CCNT2: variants seen among roughly 807,000 people sequenced by gnomAD.
CCNT2 encodes the protein cyclin-T2.
CCNT2 carries 18 observed loss-of-function variants against 70.0 expected under a neutral mutation model. That is an observed-to-expected ratio of 0.26 (90% confidence interval 0.18 to 0.38). The LOEUF (loss-of-function observed/expected upper bound fraction) is 0.38. CCNT2 is among the 10% of genes least tolerant of loss of function. The pLI is 1.00. For synonymous variants in CCNT2, 334 were observed against 313.3 expected (o/e 1.07, Z -0.70); for missense variants, 734 against 890.2 (o/e 0.82, Z 2.23).
chr2:134,939,580 C>T (rs1181449469), intron 4 of CCNT2, among the ~76,000 whole-genome samples: 2 of 152,240 alleles, frequency 1.3e-5, no homozygotes, highest in African/African-American at 4.8e-5. Context: ...ATTCTCCTGC[C>T]TCAGCCTCCC....
At chr2:134,944,582 T>A (rs1681811664) in intron 5 of CCNT2, 1 of 975,716 alleles carries the variant, frequency 1.0e-6, no homozygotes, top group Non-Finnish European at 1.2e-6. Context: ...TGATATGTCA[T>A]CCAAAACAAA....
chr2:134,927,921 A>G (rs767549225), intron 2 of CCNT2, among the ~76,000 whole-genome samples: 1 of 152,242 alleles, frequency 6.6e-6, no homozygotes. Flanking sequence ...ATGGCTATAC[A>G]TAAGGAAATA....
At chr2:134,921,107 T>C (rs1013247825) in intron 2 of CCNT2, among the ~76,000 whole-genome samples, 15 of 152,196 alleles carry the variant, frequency 9.9e-5, no homozygotes, top group African/African-American at 3.6e-4. Flanking sequence ...AGGAAGCCAT[T>C]GGTGATAACA....
At position 134,953,730 on chromosome 2, in the gene CCNT2, T is replaced by C. The variant is rs1003704770; in HGVS notation, c.1275T>C (p.Thr425=). 4.3e-6 allele frequency: 7 copies of C among 1,613,946 alleles called. No individual in the cohort carries two copies. Among genetic ancestry groups the C allele is most frequent in the Non-Finnish European group, 5.1e-6 (6 of 1,179,966 alleles). Residue 425 remains threonine, a synonymous_variant, in exon 9 of 9, where the codon ACT becomes ACC. Coordinates refer to ENST00000264157, the MANE Select transcript of CCNT2 (RefSeq NM_058241.3). Reference sequence around the variant, plus strand: ...GTAAACACCATGGGCCAATTTCCACTACTCCAGGAATAATTCCTCAGAAAA... The same window carrying C: ...GTAAACACCATGGGCCAATTTCCACCACTCCAGGAATAATTCCTCAGAAAA... ...GSSKHHGPIS[T]TPGIIPQKMS...
chr2:134,924,688 T>G (rs934067407), intron 2 of CCNT2, among the ~76,000 whole-genome samples: 1 of 152,106 alleles, frequency 6.6e-6, no homozygotes, highest in Non-Finnish European at 1.5e-5. Context: ...GACCTCGTGA[T>G]TCCCCCCACC....
In CCNT2 at chr2:134,936,520, G is replaced by A. The variant is rs561369383; in HGVS notation, c.241-321G>A. On this transcript the variant is annotated intron_variant, in intron 2 of 8. Coordinates refer to ENST00000264157, the MANE Select transcript of CCNT2 (RefSeq NM_058241.3). ...TGTAATCCCAGCACTTTGGGAGGCC[G>A]AGGCAGATGGATCACCTGAGCTCAA... Among the ~76,000 whole-genome samples, 16 of 152,136 alleles carry A rather than the reference G, an allele frequency of 1.1e-4. No homozygotes were observed. The East Asian group carries it at 1.2e-3, about 11-fold the overall frequency.
intron 2 of CCNT2, among the ~76,000 whole-genome samples, chr2:134,926,825 A>G (rs573738559): frequency 6.6e-6 from 1 of 152,284 alleles, no homozygotes; most frequent in African/African-American, 2.4e-5. Flanking sequence ...TGGTTTTGCT[A>G]TCTTGTTGCT....
intron 6 of CCNT2, among the ~76,000 whole-genome samples, chr2:134,946,798 A>G (rs1459299112): frequency 6.6e-6 from 1 of 152,096 alleles, no homozygotes; most frequent in Non-Finnish European, 1.5e-5. Flanking sequence ...AACTGGAAGA[A>G]TAGTCTTAAG....
chr2:134,954,565 A>G lies in CCNT2; in HGVS notation c.2110A>G (p.Ser704Gly), dbSNP rs750864313. 3.1e-6 allele frequency: 5 copies of G among 1,614,038 alleles called. No homozygotes were observed. In the Admixed American group the frequency reaches 5.0e-5, roughly 16 times the overall value. ...TNGPDANHEY[S>G]TSSQHMDYKD... The stretch of plus-strand genomic sequence containing the variant: ...CGGTCCTGATGCCAATCACGAGTAC[A>G]GTACAAGCAGCCAGCATATGGACTA... Residue 704 changes from serine to glycine, a missense_variant, in exon 9 of 9, where the codon AGT becomes GGT. Transcript: ENST00000264157.
rs546103021 is a variant in CCNT2 at position 134,938,431 on chromosome 2, G to T, written c.370-571G>T. 2.2e-4 allele frequency among the ~76,000 whole-genome samples: 33 copies of T among 152,186 alleles called. No homozygotes were observed. In the East Asian group the frequency reaches 4.4e-3, roughly 20 times the overall value. On this transcript the variant is annotated intron_variant, in intron 3 of 8. Coordinates refer to ENST00000264157, the MANE Select transcript of CCNT2 (RefSeq NM_058241.3). Reference sequence around the variant, plus strand: ...TATTTCCAGAGTAACTGTAATAGAGGGATAATTTCTTGAAATTGAATAAGG... The same window carrying T: ...TATTTCCAGAGTAACTGTAATAGAGTGATAATTTCTTGAAATTGAATAAGG...
Position 134,953,462 on chromosome 2 carries a change from C to CAGG in CCNT2, c.1009_1011dup (p.Gly337dup). On this transcript the variant is annotated inframe_insertion, in exon 9 of 9. Transcript: ENST00000264157. Reference sequence around the variant, plus strand: ...TCTGATAATTTGTCAATGCTAGCAACAGGAATGCCAAGTACTTCATACGGT... The same window carrying CAGG: ...TCTGATAATTTGTCAATGCTAGCAACAGGAGGAATGCCAAGTACTTCATACGGT... The CAGG allele has an allele frequency of 1.2e-6, 2 of 1,614,008 alleles. No individual in the cohort carries two copies. Among genetic ancestry groups the CAGG allele is most frequent in the Non-Finnish European group, 1.7e-6 (2 of 1,179,896 alleles).
Position 134,957,547 on chromosome 2 carries a change from T to TTGGGACACAGCTCAATA in CCNT2, c.*2900_*2901insGGGACACAGCTCAATAT, listed in dbSNP as rs1425176806. ...ATATTGAGCTGTGTCCCTCTGAATA[T>TTGGGACACAGCTCAATA]TTGCCTTAGCTATTTCAAAATAGGT... On this transcript the variant is annotated 3_prime_UTR_variant, in exon 9 of 9. Coordinates refer to ENST00000264157, the MANE Select transcript of CCNT2 (RefSeq NM_058241.3). The TTGGGACACAGCTCAATA allele has an allele frequency of 6.6e-6, 1 of 152,024 alleles. No individual in the cohort carries two copies. Among genetic ancestry groups the TTGGGACACAGCTCAATA allele is most frequent in the Non-Finnish European group, 1.5e-5 (1 of 67,996 alleles). 9.4% of individuals were successfully genotyped at this position (152,024 alleles called of 1,614,324 possible). A position where few individuals can be genotyped will look rare whatever the true frequency, so the allele number is the denominator to read the frequency against.
At chr2:134,949,413 T>C (rs1682262565) in intron 7 of CCNT2, among the ~76,000 whole-genome samples, 1 of 152,176 alleles carries the variant, frequency 6.6e-6, no homozygotes, top group Non-Finnish European at 1.5e-5. Flanking sequence ...TTGTAACTGA[T>C]TGGGTGTGAC....
At chr2:134,925,178 C>T (rs535435797) in intron 2 of CCNT2, among the ~76,000 whole-genome samples, 3 of 152,298 alleles carry the variant, frequency 2.0e-5, no homozygotes, top group African/African-American at 7.2e-5. Context: ...TGGGTCCTTT[C>T]ATTCATTGGT....
rs530662192 is a variant in CCNT2, at chr2:134,943,374, T to C, written c.493+700T>C. On this transcript the variant is annotated intron_variant, in intron 5 of 8. Transcript: ENST00000264157. ...CCAGATCATGCCCCTGCACTCTACC[T>C]TGGGCAGCAAGAGTGAGACCCTATC... is the stretch of plus-strand genomic sequence containing the variant. 5.5e-6 allele frequency: 5 copies of C among 913,168 alleles called. No homozygotes were observed. The South Asian group carries it at 2.5e-4, about 46-fold the overall frequency. The allele number at this position is 913,168 out of a possible 1,614,324, so 56.6% of individuals were successfully genotyped here. A position where few individuals can be genotyped will look rare whatever the true frequency, so the allele number is the denominator to read the frequency against.
chr2:134,953,933 A>C lies in CCNT2; in HGVS notation c.1478A>C (p.Lys493Thr). Residue 493 changes from lysine (K) to threonine (T), a missense_variant, in exon 9 of 9, where the codon AAA becomes ACA. Transcript: ENST00000264157. ...KMKIPIANTE[K>T]YMADKKEKSG... Reference sequence around the variant, plus strand: ...AAAATACCTATCGCAAATACTGAAAAATACATGGCAGACAAAAAGGAAAAG... The same window carrying C: ...AAAATACCTATCGCAAATACTGAAACATACATGGCAGACAAAAAGGAAAAG... 1 of 1,614,060 alleles carries C rather than the reference A, an allele frequency of 6.2e-7. No homozygotes were observed. Among genetic ancestry groups the C allele is most frequent in the East Asian group, 2.2e-5 (1 of 44,878 alleles).
At chr2:134,920,260 T>G (rs1679792175) in intron 2 of CCNT2, 1 of 156,364 alleles carries the variant, frequency 6.4e-6, no homozygotes, top group African/African-American at 2.4e-5. Flanking sequence ...TTAATTATGT[T>G]GGACTCATTG....
chr2:134,944,257 A>T, intron 5 of CCNT2: 1 of 983,748 alleles, frequency 1.0e-6, no homozygotes, highest in Non-Finnish European at 1.2e-6. Context: ...AGTTTTTTCT[A>T]AGAACTTGAA....
intron 7 of CCNT2, among the ~76,000 whole-genome samples, chr2:134,949,530 T>A (rs1682274751): frequency 2.0e-5 from 3 of 152,236 alleles, no homozygotes; most frequent in African/African-American, 4.8e-5. Flanking sequence ...CTTTGTTTCA[T>A]CCTTTTCTAT....
Sources: allele counts gnomAD v4.1 joint callset (sites outside exome capture counted in the v4.1 genomes callset), GRCh38; gene constraint gnomAD v4.1.1; transcripts MANE v1.5; gene names NCBI Gene and HGNC (gene_info 2026-07-23, HGNC 2026-07-21).